Variants in MYEOV observed in about 807,000 individuals in gnomAD.
MYEOV encodes the protein myeloma overexpressed, also known as myeloma-overexpressed gene protein.
Under a neutral mutation model 4.5 loss-of-function variants are expected in MYEOV, and 4 were observed. The ratio of observed to expected loss-of-function variants is 0.89; its 90% CI spans 0.44 to 2.03. MYEOV has a LOEUF of 2.03. Ranked by LOEUF, MYEOV falls within the 30% of genes most tolerant of loss-of-function variation. MYEOV has a pLI of 0.03. For synonymous variants in MYEOV, 184 were observed against 170.3 expected, an observed-to-expected ratio of 1.08 and a Z score of -0.63; for missense variants, 408 against 412.8, an observed-to-expected ratio of 0.99 and a Z score of 0.10.
In MYEOV at chr11:69,295,531, C is replaced by T. The variant is rs745846868; in HGVS notation, c.141+36C>T. 6.2e-7 allele frequency: 1 copy of T among 1,613,460 alleles called. No homozygotes were observed. Among genetic ancestry groups the T allele is most frequent in the Non-Finnish European group, 8.5e-7 (1 of 1,179,584 alleles). On this transcript the variant is annotated intron_variant, in intron 2 of 2. Coordinates refer to ENST00000441339, the MANE Select transcript of MYEOV (RefSeq NM_001293291.2). This position sits in a 1 kb window ranked among gnomAD's most constrained non-coding sequence, Gnocchi z 4.1. ...TTCCCTGACCCCAGTAACCTCTTCT[C>T]TTGGGTGGGTGAATGCCACCTGCTG...
rs1309059928 is a variant in MYEOV at position 69,295,338 on chromosome 11, G to C, written c.-17G>C. The C allele has an allele frequency of 1.3e-6, 2 of 1,580,644 alleles. No individual in the cohort carries two copies. Among genetic ancestry groups the C allele is most frequent in the Non-Finnish European group, 1.7e-6 (2 of 1,162,758 alleles). ...CCCCTGGCACTTAGGACAGCGTCTG[G>C]CTCCTTCCCTCGGCTCATGGCCCTC... On this transcript the variant is annotated 5_prime_UTR_variant, in exon 2 of 3. Coordinates refer to ENST00000441339, the MANE Select transcript of MYEOV (RefSeq NM_001293291.2). This position sits in a 1 kb window ranked among gnomAD's most constrained non-coding sequence, Gnocchi z 4.1.
chr11:69,295,595 G>A lies in MYEOV; in HGVS notation c.145G>A (p.Val49Ile). The A allele has an allele frequency of 1.2e-6, 2 of 1,612,938 alleles. No individual in the cohort carries two copies. The highest frequency in any genetic ancestry group is 1.7e-6 in the Non-Finnish European group (2 of 1,179,390). Residue 49 changes from valine to isoleucine, a missense_variant, in exon 3 of 3, where the codon GTC (valine) becomes ATC (isoleucine). Val to Ile is a conservative substitution (Grantham distance 29). Transcript: ENST00000441339. This position sits in a 1 kb window ranked among gnomAD's most constrained non-coding sequence, Gnocchi z 4.1. ...TCATCGGTTTTCTTGTCTGTAGTCT[G>A]TCCCCCTTGGGGACAGGGACTCGTT... ...SFLTFHLHQS[V>I]PLGDRDSLLM...
chr11:69,294,778 A>C (rs930280377), intron 1 of MYEOV, among the ~76,000 whole-genome samples: 38 of 152,270 alleles, frequency 2.5e-4, no homozygotes, highest in African/African-American at 8.7e-4. Flanking sequence ...GGAGTGACCA[A>C]GCCTCTGCTG....
Position 69,295,607 on chromosome 11 carries a change from GA to G in MYEOV, c.158del (p.Asp53AlafsTer38). The G allele has an allele frequency of 1.2e-6, 2 of 1,613,706 alleles. No homozygotes were observed. Among genetic ancestry groups the G allele is most frequent in the Non-Finnish European group, 1.7e-6 (2 of 1,179,796 alleles). On this transcript the variant is annotated frameshift_variant, in exon 3 of 3. Transcript: ENST00000441339. This position sits in a 1 kb window ranked among gnomAD's most constrained non-coding sequence, Gnocchi z 4.1. ...FHLHQSVPLG[D>X]RDSLLMFTRQ... ...TTGTCTGTAGTCTGTCCCCCTTGGGGACAGGGACTCGTTGCTCATGTTCACC... is the reference window on the plus strand; with the variant it reads ...TTGTCTGTAGTCTGTCCCCCTTGGGGCAGGGACTCGTTGCTCATGTTCACC...
rs202111250 is a variant in MYEOV at position 69,296,519 on chromosome 11, AG to A, written c.*128del. The A allele has an allele frequency of 0.011, 6,738 of 607,466 alleles. 67 individuals are homozygous for A. The highest frequency in any genetic ancestry group is 0.025 in the Middle Eastern group (68 of 2,774). The allele number at this position is 607,466 out of a possible 1,614,324, so 37.6% of individuals were successfully genotyped here. ...AACTGAGGCCTAGAGAAGCTCAACA[AG>A]TTGCCTAAGTTCCAAGTTTCCTCTC... On this transcript the variant is annotated 3_prime_UTR_variant, in exon 3 of 3. Coordinates refer to ENST00000441339, the MANE Select transcript of MYEOV (RefSeq NM_001293291.2).
At position 69,297,099 on chromosome 11, in the gene MYEOV, C is replaced by T. The variant is rs899976962; in HGVS notation, c.*707C>T. 6.6e-6 allele frequency: 1 copy of T among 152,206 alleles called. No homozygotes were observed. The highest frequency in any genetic ancestry group is 2.4e-5 in the African/African-American group (1 of 41,438). The allele number at this position is 152,206 out of a possible 1,614,324, so 9.4% of individuals were successfully genotyped here. A position where few individuals can be genotyped will look rare whatever the true frequency, so the allele number is the denominator to read the frequency against. On this transcript the variant is annotated 3_prime_UTR_variant, in exon 3 of 3. Transcript: ENST00000441339. ...CTGCAGGACCCTGTTTCTCTCTTTG[C>T]TTTGGCTGCTGGGGAGCTCAGAAGG...
In MYEOV at chr11:69,295,954, CTTT is replaced by C; in HGVS notation, c.505_507del (p.Phe169del). 1 of 1,614,132 alleles carries C rather than the reference CTTT, an allele frequency of 6.2e-7. No homozygotes were observed. Among genetic ancestry groups the C allele is most frequent in the South Asian group, 1.1e-5 (1 of 91,068 alleles). On this transcript the variant is annotated inframe_deletion, in exon 3 of 3. Transcript: ENST00000441339. This position sits in a 1 kb window ranked among gnomAD's most constrained non-coding sequence, Gnocchi z 4.1. ...TGGGCGTTGCTCACCTGGGAGAAGC[CTTT>C]AGAGTGGGCGTTGAGCAGGCCATTA...
chr11:69,295,145 A>T lies in MYEOV; in HGVS notation c.-122-88A>T, dbSNP rs1855143929. The stretch of plus-strand genomic sequence containing the variant: ...AGAGGCCATGGGGACCCAGGCACAG[A>T]GCGGCGGCCTCTCATCCTCCCCATG... On this transcript the variant is annotated intron_variant, in intron 1 of 2. Transcript: ENST00000441339. The surrounding 1 kb of genome is among the most constrained non-coding windows in gnomAD (Gnocchi z 4.1). 5 of 749,096 alleles carry T rather than the reference A, an allele frequency of 6.7e-6. No homozygotes were observed. The East Asian group carries it at 1.4e-4, about 21-fold the overall frequency. The allele number at this position is 749,096 out of a possible 1,614,324, so 46.4% of individuals were successfully genotyped here.
Position 69,295,372 on chromosome 11 carries a change from C to G in MYEOV, c.18C>G (p.Cys6Trp). The change falls in exon 2 of 3, where the codon TGC becomes TGG. Residue 6 changes from cysteine to tryptophan, a missense_variant. Physicochemically the swap from Cys to Trp is radical, Grantham distance 215. Transcript: ENST00000441339. This position sits in a 1 kb window ranked among gnomAD's most constrained non-coding sequence, Gnocchi z 4.1. MALRI[C>W]VTYTPALPIG... ...CTCGGCTCATGGCCCTCAGAATCTG[C>G]GTCACATACACCCCAGCTCTCCCGA... The G allele has an allele frequency of 1.9e-6, 3 of 1,608,778 alleles. No individual in the cohort carries two copies. Among genetic ancestry groups the G allele is most frequent in the Non-Finnish European group, 2.5e-6 (3 of 1,177,420 alleles).
Position 69,296,431 on chromosome 11 carries a change from C to G in MYEOV, c.*39C>G. On this transcript the variant is annotated 3_prime_UTR_variant, in exon 3 of 3. Transcript: ENST00000441339. ...GCCAAGTGGTTTATATGCCCAGCCT[C>G]ATTTAATCCTCAGAATGACTCCATG... 7.8e-7 allele frequency: 1 copy of G among 1,274,078 alleles called. No homozygotes were observed. The highest frequency in any genetic ancestry group is 1.1e-6 in the Non-Finnish European group (1 of 939,812). The allele number at this position is 1,274,078 out of a possible 1,614,324, so 78.9% of individuals were successfully genotyped here.
chr11:69,295,322 C>T lies in MYEOV; in HGVS notation c.-33C>T. On this transcript the variant is annotated 5_prime_UTR_variant, in exon 2 of 3. Transcript: ENST00000441339. This position sits in a 1 kb window ranked among gnomAD's most constrained non-coding sequence, Gnocchi z 4.1. ...ACACCTCTAACAACTTCCCCTGGCA[C>T]TTAGGACAGCGTCTGGCTCCTTCCC... The T allele has an allele frequency of 1.9e-6, 3 of 1,563,786 alleles. No individual in the cohort carries two copies. The highest frequency in any genetic ancestry group is 2.6e-6 in the Non-Finnish European group (3 of 1,153,480).
At position 69,296,220 on chromosome 11, in the gene MYEOV, C is replaced by CT. The variant is rs775461847; in HGVS notation, c.771dup (p.Gly258TrpfsTer10). On this transcript the variant is annotated frameshift_variant, in exon 3 of 3. Coordinates refer to ENST00000441339, the MANE Select transcript of MYEOV (RefSeq NM_001293291.2). Reference sequence around the variant, plus strand: ...ACCTGGGGCCTGCCTCTGCGGGTGGCTGGGTCCTGGCTGACTGTTGTGACT... The same window carrying CT: ...ACCTGGGGCCTGCCTCTGCGGGTGGCTTGGGTCCTGGCTGACTGTTGTGACT... 1 of 1,609,850 alleles carries CT rather than the reference C, an allele frequency of 6.2e-7. No individual in the cohort carries two copies. The highest frequency in any genetic ancestry group is 1.1e-5 in the South Asian group (1 of 90,508).
chr11:69,295,660 C>G lies in MYEOV; in HGVS notation c.210C>G (p.Gly70=). ...GGCAGGCTGGACACTTCGTGGAGGG[C>G]TCCAAAGCCGGCAGATCCCGGGGCC... ...FTRQAGHFVE[G]SKAGRSRGRL... The change falls in exon 3 of 3, where the codon GGC becomes GGG. Residue 70 remains glycine (G), a synonymous_variant. Coordinates refer to ENST00000441339, the MANE Select transcript of MYEOV (RefSeq NM_001293291.2). This position sits in a 1 kb window ranked among gnomAD's most constrained non-coding sequence, Gnocchi z 4.1. 6.2e-7 allele frequency: 1 copy of G among 1,614,132 alleles called. No individual in the cohort carries two copies. The highest frequency in any genetic ancestry group is 8.5e-7 in the Non-Finnish European group (1 of 1,180,030).
Position 69,295,414 on chromosome 11 carries a change from C to T in MYEOV, c.60C>T (p.Arg20=), listed in dbSNP as rs1855154651. The T allele has an allele frequency of 6.2e-7, 1 of 1,613,958 alleles. No individual in the cohort carries two copies. The highest frequency in any genetic ancestry group is 8.5e-7 in the Non-Finnish European group (1 of 1,179,818). The change falls in exon 2 of 3, where the codon CGC becomes CGT. Residue 20 remains arginine (R), a synonymous_variant. Coordinates refer to ENST00000441339, the MANE Select transcript of MYEOV (RefSeq NM_001293291.2). The surrounding 1 kb of genome is among the most constrained non-coding windows in gnomAD (Gnocchi z 4.1). ...TPALPIGLCT[R]CCLCLEQSPS... is the part of the protein sequence containing the mutation. ...CTCTCCCGATAGGTCTCTGCACTCG[C>T]TGTTGCCTCTGCCTGGAACAGTCTC...
Position 69,296,235 on chromosome 11 carries a change from C to A in MYEOV, c.785C>A (p.Thr262Asn). 3.1e-6 allele frequency: 5 copies of A among 1,603,490 alleles called. No homozygotes were observed. Among genetic ancestry groups the A allele is most frequent in the Non-Finnish European group, 4.3e-6 (5 of 1,173,490 alleles). ...CTGCGGGTGGCTGGGTCCTGGCTGA[C>A]TGTTGTGACTGTTGAGGCCCTGGGG... ...LPLRVAGSWL[T>N]VVTVEALGGW... is the part of the protein sequence containing the mutation. The change falls in exon 3 of 3, where the codon ACT becomes AAT. Residue 262 changes from threonine (T) to asparagine (N), a missense_variant. Thr to Asn is a moderately conservative substitution (Grantham distance 65, BLOSUM62 0). Transcript: ENST00000441339.
At position 69,297,184 on chromosome 11, in the gene MYEOV, C is replaced by T. The variant is rs982227699; in HGVS notation, c.*792C>T. The T allele has an allele frequency of 2.6e-5, 4 of 152,196 alleles. No individual in the cohort carries two copies. The highest frequency in any genetic ancestry group is 4.8e-5 in the African/African-American group (2 of 41,448). The allele number at this position is 152,196 out of a possible 1,614,324, so 9.4% of individuals were successfully genotyped here. A position where few individuals can be genotyped will look rare whatever the true frequency, so the allele number is the denominator to read the frequency against. ...TCAGGGGTTTGGGCATTTTTGTCGC[C>T]GTCTCCTTTGGGCTCTGTCTCCTCC... On this transcript the variant is annotated 3_prime_UTR_variant, in exon 3 of 3. Coordinates refer to ENST00000441339, the MANE Select transcript of MYEOV (RefSeq NM_001293291.2).
In MYEOV at chr11:69,295,662, C is replaced by G. The variant is rs765513428; in HGVS notation, c.212C>G (p.Ser71Cys). 6.2e-7 allele frequency: 1 copy of G among 1,614,010 alleles called. No homozygotes were observed. Among genetic ancestry groups the G allele is most frequent in the African/African-American group, 1.3e-5 (1 of 74,904 alleles). The stretch of plus-strand genomic sequence containing the variant: ...CAGGCTGGACACTTCGTGGAGGGCT[C>G]CAAAGCCGGCAGATCCCGGGGCCGC... ...TRQAGHFVEG[S>C]KAGRSRGRLC... Residue 71 changes from serine (S) to cysteine (C), a missense_variant, in exon 3 of 3, where the codon TCC (serine) becomes TGC (cysteine). Ser to Cys is a moderately radical substitution (Grantham distance 112, BLOSUM62 -1). Coordinates refer to ENST00000441339, the MANE Select transcript of MYEOV (RefSeq NM_001293291.2). The surrounding 1 kb of genome is among the most constrained non-coding windows in gnomAD (Gnocchi z 4.1).
chr11:69,295,887 G>A lies in MYEOV; in HGVS notation c.437G>A (p.Gly146Asp). The A allele has an allele frequency of 1.9e-6, 3 of 1,614,210 alleles. No homozygotes were observed. The highest frequency in any genetic ancestry group is 1.7e-6 in the Non-Finnish European group (2 of 1,180,040). Residue 146 changes from glycine (G) to aspartate (D), a missense_variant, in exon 3 of 3, where the codon GGC (glycine) becomes GAC (aspartate). Coordinates refer to ENST00000441339, the MANE Select transcript of MYEOV (RefSeq NM_001293291.2). This position sits in a 1 kb window ranked among gnomAD's most constrained non-coding sequence, Gnocchi z 4.1. Reference sequence around the variant, plus strand: ...GATGCACCACAAGGCACTCTGTGTGGCACTGGGAACAGGAATTCTGGGAGT... The same window carrying A: ...GATGCACCACAAGGCACTCTGTGTGACACTGGGAACAGGAATTCTGGGAGT... ...VTDAPQGTLC[G>D]TGNRNSGSQS...
chr11:69,296,270 A>G lies in MYEOV; in HGVS notation c.820A>G (p.Met274Val), dbSNP rs1357082725. The change falls in exon 3 of 3, where the codon ATG becomes GTG. Residue 274 changes from methionine to valine, a missense_variant. Coordinates refer to ENST00000441339, the MANE Select transcript of MYEOV (RefSeq NM_001293291.2). ...TGTTGAGGCCCTGGGGGGGTGGCGCATGGGAGTTAGGAGGACTGGCCAGGT... is the reference window on the plus strand; with the variant it reads ...TGTTGAGGCCCTGGGGGGGTGGCGCGTGGGAGTTAGGAGGACTGGCCAGGT... Reference protein sequence around the residue: ...VTVEALGGWRMGVRRTGQVGP... With the variant: ...VTVEALGGWRVGVRRTGQVGP... 1.3e-6 allele frequency: 2 copies of G among 1,578,754 alleles called. No individual in the cohort carries two copies. Among genetic ancestry groups the G allele is most frequent in the African/African-American group, 1.3e-5 (1 of 74,438 alleles).
Sources: allele counts gnomAD v4.1 joint callset (sites outside exome capture counted in the v4.1 genomes callset), GRCh38; gene constraint gnomAD v4.1.1; non-coding constraint Gnocchi (gnomAD v3.1); transcripts MANE v1.5; gene names NCBI Gene and HGNC (gene_info 2026-07-23, HGNC 2026-07-21).